Variants in MYRIP observed in about 807,000 individuals in gnomAD.
MYRIP encodes the protein rab effector MyRIP.
Under a neutral mutation model 98.0 loss-of-function variants are expected in MYRIP, and 49 were observed. The observed-to-expected ratio is 0.50, with a 90% CI of 0.40 to 0.63. The LOEUF (loss-of-function observed/expected upper bound fraction) is 0.63. Ranked by LOEUF, MYRIP falls within the 30% of genes least tolerant of loss-of-function variation. The pLI is 0.00. For synonymous variants in MYRIP, 404 were observed against 409.5 expected (o/e 0.99, Z 0.16); for missense variants, 1,004 against 1,058.2 (o/e 0.95, Z 0.71).
chr3:40,110,884 GTGTGT>G (rs1559404885), intron 3 of MYRIP, among the ~76,000 whole-genome samples: 17 of 948 alleles, frequency 0.018, no homozygotes, highest in Admixed American at 0.068. Flanking sequence ...ATGAAGGGGT[GTGTGT>G]GTGTGTGTGT....
intron 13 of MYRIP, among the ~76,000 whole-genome samples, chr3:40,247,822 G>T (rs942752102): frequency 1.3e-5 from 2 of 152,222 alleles, no homozygotes; most frequent in Non-Finnish European, 2.9e-5. Flanking sequence ...GCGCCAAACA[G>T]CTCACATTCT....
chr3:39,934,147 G>T (rs1319014206), intron 2 of MYRIP, among the ~76,000 whole-genome samples: 1 of 152,148 alleles, frequency 6.6e-6, no homozygotes, highest in Admixed American at 6.5e-5. Context: ...ACAGTACTTA[G>T]TTCCTTTGTC....
chr3:39,995,810 G>A (rs1408679000), intron 2 of MYRIP, among the ~76,000 whole-genome samples: 2 of 152,178 alleles, frequency 1.3e-5, no homozygotes, highest in Non-Finnish European at 2.9e-5. Context: ...CCCACAAAGG[G>A]AAGCCCATCA....
intron 1 of MYRIP, among the ~76,000 whole-genome samples, chr3:39,873,957 C>T (rs1177407289): frequency 1.3e-5 from 2 of 151,942 alleles, no homozygotes; most frequent in South Asian, 2.1e-4. Context: ...GATATTGATT[C>T]TTCCTACCCA....
At position 40,102,696 on chromosome 3, in the gene MYRIP, G is replaced by A. The variant is rs551493189; in HGVS notation, c.333-48352G>A. Among the ~76,000 whole-genome samples the A allele has an allele frequency of 7.2e-5, 11 of 152,100 alleles. No homozygotes were observed. The East Asian group carries it at 1.8e-3, about 24-fold the overall frequency. On this transcript the variant is annotated intron_variant, in intron 3 of 16. Coordinates refer to ENST00000302541, the MANE Select transcript of MYRIP (RefSeq NM_015460.4). The stretch of plus-strand genomic sequence containing the variant: ...AAGATGTGATTTCTCTGTAGCAGCC[G>A]GGAGTGTCACCTCTGGCATCTCAGA...
In MYRIP at chr3:40,250,092, TTGAATGAATGAA is replaced by T. The variant is rs547316885; in HGVS notation, c.2263-118_2263-107del. On this transcript the variant is annotated intron_variant, in intron 13 of 16. Coordinates refer to ENST00000302541, the MANE Select transcript of MYRIP (RefSeq NM_015460.4). The stretch of plus-strand genomic sequence containing the variant: ...TAGATAGAGGAGTGTTTGGTAGAAG[TTGAATGAATGAA>T]TGAATGAATGAGCATACATCAAAGC... 8.4e-6 allele frequency: 6 copies of T among 711,874 alleles called. No individual in the cohort carries two copies. In the East Asian group the frequency reaches 1.6e-4, roughly 19 times the overall value. The allele number at this position is 711,874 out of a possible 1,614,324, so 44.1% of individuals were successfully genotyped here.
intron 2 of MYRIP, among the ~76,000 whole-genome samples, chr3:39,971,765 T>C (rs904096430): frequency 6.6e-6 from 1 of 152,118 alleles, no homozygotes; most frequent in Non-Finnish European, 1.5e-5. Context: ...AATTAAATTC[T>C]TATTTATTCC....
In MYRIP at chr3:40,112,745, TGTGGGCCAGA is replaced by T. The variant is rs375736644; in HGVS notation, c.333-38302_333-38293del. On this transcript the variant is annotated intron_variant, in intron 3 of 16. Coordinates refer to ENST00000302541, the MANE Select transcript of MYRIP (RefSeq NM_015460.4). ...CATCCAGTAGAGTGAATGCTAGAAA[TGTGGGCCAGA>T]CCAACTGTCAGAAAGTTCTGTGTGG... is the stretch of plus-strand genomic sequence containing the variant. Among the ~76,000 whole-genome samples, 299 of 152,254 alleles carry T rather than the reference TGTGGGCCAGA, an allele frequency of 2.0e-3. 3 individuals are homozygous for T. Among genetic ancestry groups the T allele is most frequent in the African/African-American group, 6.9e-3 (288 of 41,536 alleles).
At chr3:40,086,702 A>G (rs1948634511) in intron 3 of MYRIP, among the ~76,000 whole-genome samples, 1 of 152,186 alleles carries the variant, frequency 6.6e-6, no homozygotes, top group Non-Finnish European at 1.5e-5. Context: ...CTCCAGTTCC[A>G]CTATGCATCA....
At chr3:40,201,540 A>G (rs1472101579) in intron 10 of MYRIP, among the ~76,000 whole-genome samples, 2 of 152,240 alleles carry the variant, frequency 1.3e-5, no homozygotes, top group Non-Finnish European at 1.5e-5. Context: ...AGATTTCATA[A>G]CATCCTTCAC....
At chr3:40,027,733 T>A (rs964494881) in intron 2 of MYRIP, among the ~76,000 whole-genome samples, 2 of 152,112 alleles carry the variant, frequency 1.3e-5, no homozygotes, top group African/African-American at 4.8e-5. Context: ...TTAAAAAAAA[T>A]CCTTAGCACC....
chr3:40,168,464 T>C lies in MYRIP; in HGVS notation c.729+1225T>C, dbSNP rs111805616. Among the ~76,000 whole-genome samples the C allele has an allele frequency of 1.4e-3, 209 of 152,370 alleles. 3 individuals are homozygous for C. Among genetic ancestry groups the C allele is most frequent in the Middle Eastern group, 0.01 (3 of 294 alleles). On this transcript the variant is annotated intron_variant, in intron 7 of 16. Transcript: ENST00000302541. The stretch of plus-strand genomic sequence containing the variant: ...TTTTATAACAGTGTTTATTAGCTCA[T>C]ATAATTTATGGAATGCTGCACTGAA...
At chr3:40,212,184 A>G (rs9311238) in intron 11 of MYRIP, among the ~76,000 whole-genome samples, 2,722 of 7,940 alleles carry the variant, frequency 0.34, 671 homozygotes, top group Admixed American at 0.59. Context: ...ATATACGTGT[A>G]TGTGTATATA....
At chr3:40,253,383 T>G (rs1953451074) in intron 16 of MYRIP, among the ~76,000 whole-genome samples, 1 of 152,246 alleles carries the variant, frequency 6.6e-6, no homozygotes, top group African/African-American at 2.4e-5. Context: ...AAGGTTCAGC[T>G]GTCTCTTACT....
At chr3:40,240,777 G>C (rs1164348830) in intron 12 of MYRIP, among the ~76,000 whole-genome samples, 2 of 152,144 alleles carry the variant, frequency 1.3e-5, no homozygotes, top group Non-Finnish European at 2.9e-5. Context: ...GAATGCCTTG[G>C]TCTGTAGGTA....
chr3:40,031,164 C>T (rs927306078), intron 2 of MYRIP, among the ~76,000 whole-genome samples: 1 of 152,026 alleles, frequency 6.6e-6, no homozygotes, highest in Admixed American at 6.6e-5. Context: ...TGGTGTCTGT[C>T]CGCTTCCTGG....
intron 2 of MYRIP, among the ~76,000 whole-genome samples, chr3:39,996,399 C>A (rs1310087770): frequency 6.6e-6 from 1 of 152,120 alleles, no homozygotes; most frequent in African/African-American, 2.4e-5. Flanking sequence ...TCTGATAAAA[C>A]AGACTTTAAA....
chr3:39,854,051 A>G (rs1034032910), intron 1 of MYRIP, among the ~76,000 whole-genome samples: 2 of 152,140 alleles, frequency 1.3e-5, no homozygotes, highest in African/African-American at 2.4e-5. Flanking sequence ...GTTGAAGATT[A>G]GTTGGCTGTA....
chr3:39,873,917 A>C (rs1267288692), intron 1 of MYRIP, among the ~76,000 whole-genome samples: 1 of 151,956 alleles, frequency 6.6e-6, no homozygotes, highest in African/African-American at 2.4e-5. Context: ...TGAATCTGTA[A>C]ATTACCTTGG....
Sources: allele counts gnomAD v4.1 joint callset (sites outside exome capture counted in the v4.1 genomes callset), GRCh38; gene constraint gnomAD v4.1.1; transcripts MANE v1.5; gene names NCBI Gene and HGNC (gene_info 2026-07-23, HGNC 2026-07-21).